SLC71A1: variants seen among roughly 807,000 people sequenced by gnomAD.
SLC71A1 encodes hippocampus abundant gene transcript 1.
chr1:100,067,915 T>G, the SLC71A1 span: 1 of 1,213,486 alleles, frequency 8.2e-7, no homozygotes, highest in Non-Finnish European at 1.2e-6. Context: ...ATGAAAGGAG[T>G]TATGTGGTGT....
At chr1:100,052,842 G>A in the SLC71A1 span, among the ~76,000 whole-genome samples, 1 of 151,034 alleles carries the variant, frequency 6.6e-6, no homozygotes, top group Non-Finnish European at 1.5e-5. Context: ...GGAGTGCAGT[G>A]GTGCAACCTT....
the SLC71A1 span, among the ~76,000 whole-genome samples, chr1:100,040,940 C>CGGTA: frequency 2.0e-5 from 3 of 152,110 alleles, no homozygotes; most frequent in Non-Finnish European, 4.4e-5. Context: ...GCTCTATGGT[C>CGGTA]GGTACATGAC....
the SLC71A1 span, chr1:100,078,501 C>T: frequency 2.5e-6 from 4 of 1,613,718 alleles, no homozygotes; most frequent in Admixed American, 1.7e-5. Context: ...ATCACCTTTC[C>T]TGCTGTCAGT....
the SLC71A1 span, among the ~76,000 whole-genome samples, chr1:100,070,181 T>A: frequency 9.9e-5 from 15 of 152,024 alleles, no homozygotes; most frequent in African/African-American, 3.6e-4. Context: ...GGGAGAATGG[T>A]CTTAAGGGCA....
chr1:100,047,300 T>G, the SLC71A1 span, among the ~76,000 whole-genome samples: 5 of 152,256 alleles, frequency 3.3e-5, no homozygotes, highest in Admixed American at 6.5e-5. Flanking sequence ...CATCATTAAT[T>G]GAAATGATCA....
the SLC71A1 span, among the ~76,000 whole-genome samples, chr1:100,050,938 A>T: frequency 5.5e-4 from 83 of 152,130 alleles, no homozygotes; most frequent in Middle Eastern, 3.4e-3. Flanking sequence ...TGCAAAAATT[A>T]GTTGTGCATG....
At chr1:100,038,211 G>C in the SLC71A1 span, 3 of 1,549,236 alleles carry the variant, frequency 1.9e-6, no homozygotes, top group Admixed American at 2.0e-5. Context: ...CTGCAGCAGC[G>C]CCAGGAATCG....
chr1:100,041,962 G>A, the SLC71A1 span, among the ~76,000 whole-genome samples: 1 of 151,294 alleles, frequency 6.6e-6, no homozygotes, highest in Admixed American at 6.6e-5. Context: ...AGGTTTTCAT[G>A]TATGTAACAT....
the SLC71A1 span, among the ~76,000 whole-genome samples, chr1:100,053,490 TAA>T: frequency 2.0e-5 from 3 of 152,238 alleles, no homozygotes; most frequent in African/African-American, 4.8e-5. Context: ...ATTTATATTT[TAA>T]GTCAGTATCT....
the SLC71A1 span, chr1:100,077,030 C>T: frequency 1.7e-6 from 1 of 582,810 alleles, no homozygotes; most frequent in Non-Finnish European, 3.0e-6. Flanking sequence ...CTAGTGATCT[C>T]AGACATATTC....
the SLC71A1 span, chr1:100,067,885 G>A: frequency 1.0e-6 from 1 of 978,082 alleles, no homozygotes; most frequent in Non-Finnish European, 1.6e-6. Context: ...GCAACAGAAG[G>A]CCTGACATAA....
the SLC71A1 span, among the ~76,000 whole-genome samples, chr1:100,066,221 C>T: frequency 1.3e-5 from 2 of 152,162 alleles, no homozygotes; most frequent in African/African-American, 4.8e-5. Context: ...CAGTTTTGTT[C>T]CAGGGCTTAA....
At chr1:100,068,214 C>T in the SLC71A1 span, 2 of 1,589,474 alleles carry the variant, frequency 1.3e-6, no homozygotes, top group Non-Finnish European at 1.7e-6. Context: ...ATACTTTTTC[C>T]TTCTCCTTGA....
the SLC71A1 span, chr1:100,069,818 A>G: frequency 6.0e-6 from 4 of 670,368 alleles, no homozygotes; most frequent in East Asian, 1.0e-4. Context: ...TCAGAAATTC[A>G]ATTTGTTTGT....
At chr1:100,064,983 A>G in the SLC71A1 span, among the ~76,000 whole-genome samples, 1 of 150,858 alleles carries the variant, frequency 6.6e-6, no homozygotes, top group African/African-American at 2.4e-5. Flanking sequence ...TCTCCCCTCT[A>G]CCTCCCTGCC....
At chr1:100,070,354 A>G in the SLC71A1 span, among the ~76,000 whole-genome samples, 1 of 152,178 alleles carries the variant, frequency 6.6e-6, no homozygotes, top group South Asian at 2.1e-4. Flanking sequence ...AAGAAACAAC[A>G]GGGGGCCAGT....
At chr1:100,068,241 T>C in the SLC71A1 span, 2 of 1,404,436 alleles carry the variant, frequency 1.4e-6, no homozygotes, top group South Asian at 1.2e-5. Context: ...AGTGCATGAT[T>C]CAGTGCAGCA....
the SLC71A1 span, among the ~76,000 whole-genome samples, chr1:100,080,984 A>G: frequency 6.6e-6 from 1 of 152,256 alleles, no homozygotes; most frequent in African/African-American, 2.4e-5. Context: ...TTCATACAAA[A>G]GGCAGGCTTA....
At chr1:100,061,828 T>C in the SLC71A1 span, 1 of 1,552,548 alleles carries the variant, frequency 6.4e-7, no homozygotes, top group African/African-American at 1.4e-5. Context: ...TTATCTTTCA[T>C]TCCTAGGTGG....
Sources: allele counts gnomAD v4.1 joint callset (sites outside exome capture counted in the v4.1 genomes callset), GRCh38; gene constraint gnomAD v4.1.1; transcripts MANE v1.5; gene names NCBI Gene and HGNC (gene_info 2026-07-23, HGNC 2026-07-21).